The following TNFSF14 variants were observed in gnomAD, a reference collection of about 807,000 sequenced individuals.
TNFSF14 encodes the protein TNF superfamily member 14, also known as tumor necrosis factor ligand superfamily member 14.
In TNFSF14, 15 loss-of-function variants were observed where a neutral mutation model predicts 22.7. The observed-to-expected ratio is 0.66, with a 90% CI of 0.44 to 1.02. The LOEUF (loss-of-function observed/expected upper bound fraction) is 1.02, where lower values mean the gene tolerates loss of function less well. TNFSF14 is among the 50% of genes least tolerant of loss of function. The pLI, the probability that TNFSF14 is intolerant of heterozygous loss-of-function variation, is 0.00. For missense variants in TNFSF14, 287 were observed against 326.2 expected, an observed-to-expected ratio of 0.88 and a Z score of 0.93; for synonymous variants, 133 against 139.6, an observed-to-expected ratio of 0.95 and a Z score of 0.33.
Position 6,664,622 on chromosome 19 carries a change from TC to T in TNFSF14, c.*303del. The T allele has an allele frequency of 3.0e-5, 7 of 230,894 alleles. No homozygotes were observed. Among genetic ancestry groups the T allele is most frequent in the East Asian group, 9.3e-5 (1 of 10,724 alleles). 14.3% of individuals were successfully genotyped at this position (230,894 alleles called of 1,614,324 possible). ...GGTGTGATCTCGGCTCACTGCAACC[TC>T]CGCCTCCCGGGTTTAAGCAAAATTA... On this transcript the variant is annotated 3_prime_UTR_variant, in exon 4 of 4. Coordinates refer to ENST00000675206, the MANE Select transcript of TNFSF14 (RefSeq NM_001376887.1). The surrounding 1 kb of genome is among the most constrained non-coding windows in gnomAD (Gnocchi z 4.7).
Position 6,665,109 on chromosome 19 carries a change from C to T in TNFSF14, c.540G>A (p.Leu180=). The stretch of plus-strand genomic sequence containing the variant: ...GTCCGCAGGGTGACTGCTGGCTGAC[C>T]AACAGCTCCAGCTCCTCGGGGTAGC... ...TPRYPEELEL[L]VSQQSPCGRA... is the part of the protein sequence containing the mutation. The change falls in exon 4 of 4, where the codon TTG becomes TTA. Residue 180 remains leucine (L), a synonymous_variant. Coordinates refer to ENST00000675206, the MANE Select transcript of TNFSF14 (RefSeq NM_001376887.1). 1 of 1,614,034 alleles carries T rather than the reference C, an allele frequency of 6.2e-7. No homozygotes were observed. Among genetic ancestry groups the T allele is most frequent in the Non-Finnish European group, 8.5e-7 (1 of 1,179,926 alleles).
rs376787507 is a variant in TNFSF14, at chr19:6,665,156, C to T, written c.493G>A (p.Gly165Ser). ...PLGLASTITHGLYKRTPRYPE... is the reference protein window; with the variant it reads ...PLGLASTITHSLYKRTPRYPE... ...TAGCGGGGTGTGCGCTTGTAGAGGC[C>T]GTGGGTGATGGTGCTGGCCAGGCCC... Residue 165 changes from glycine to serine, a missense_variant, in exon 4 of 4, where the codon GGC becomes AGC. Transcript: ENST00000675206. 1.1e-4 allele frequency: 173 copies of T among 1,613,906 alleles called. No homozygotes were observed. Among genetic ancestry groups the T allele is most frequent in the South Asian group, 5.5e-4 (50 of 91,074 alleles).
rs1162772278 is a variant in TNFSF14 at position 6,664,633 on chromosome 19, GGTTTA to G, written c.*288_*292del. ...GGCTCACTGCAACCTCCGCCTCCCG[GGTTTA>G]AGCAAAATTATCCTGCCTCAGCCTC... is the stretch of plus-strand genomic sequence containing the variant. On this transcript the variant is annotated 3_prime_UTR_variant, in exon 4 of 4. Coordinates refer to ENST00000675206, the MANE Select transcript of TNFSF14 (RefSeq NM_001376887.1). This position sits in a 1 kb window ranked among gnomAD's most constrained non-coding sequence, Gnocchi z 4.7. 2 of 258,644 alleles carry G rather than the reference GGTTTA, an allele frequency of 7.7e-6. No homozygotes were observed. The highest frequency in any genetic ancestry group is 1.5e-5 in the Non-Finnish European group (2 of 133,406). 16.0% of individuals were successfully genotyped at this position (258,644 alleles called of 1,614,324 possible). A position where few individuals can be genotyped will look rare whatever the true frequency, so the allele number is the denominator to read the frequency against.
chr19:6,669,584 G>A lies in TNFSF14; in HGVS notation c.219+267C>T, dbSNP rs1010642822. Among the ~76,000 whole-genome samples the A allele has an allele frequency of 3.9e-5, 6 of 152,172 alleles. No individual in the cohort carries two copies. The East Asian group carries it at 1.2e-3, about 29-fold the overall frequency. ...CGACGGGTGGAGCTGGCATCGTCTGGTACTACACATGCCATAGCATACTTC... is the reference window on the plus strand; with the variant it reads ...CGACGGGTGGAGCTGGCATCGTCTGATACTACACATGCCATAGCATACTTC... On this transcript the variant is annotated intron_variant, in intron 1 of 3. Transcript: ENST00000675206.
intron 3 of TNFSF14, among the ~76,000 whole-genome samples, chr19:6,666,452 AG>A (rs1487497396): frequency 6.6e-6 from 1 of 152,008 alleles, no homozygotes; most frequent in Admixed American, 6.6e-5. Context: ...AAGAAACCAA[AG>A]CGGCACCTCG....
chr19:6,668,037 A>T (rs868118183), intron 1 of TNFSF14, among the ~76,000 whole-genome samples: 8 of 152,104 alleles, frequency 5.3e-5, no homozygotes, highest in Middle Eastern at 3.4e-3. Flanking sequence ...TCTATCTCAA[A>T]AAATAAATAA....
Position 6,669,942 on chromosome 19 carries a change from A to T in TNFSF14, c.128T>A (p.Leu43Ter). 6.2e-7 allele frequency: 1 copy of T among 1,613,932 alleles called. No individual in the cohort carries two copies. Among genetic ancestry groups the T allele is most frequent in the Non-Finnish European group, 8.5e-7 (1 of 1,179,982 alleles). ...CSVARVGLGL[L>*]LLLMGAGLAV... Reference sequence around the variant, plus strand: ...CAGCCCGGCCCCCATCAGCAACAGCAAGAGACCCAGACCCACCCGGGCCAC... The same window carrying T: ...CAGCCCGGCCCCCATCAGCAACAGCTAGAGACCCAGACCCACCCGGGCCAC... Residue 43 changes from leucine (L) to a stop codon, truncating the protein, a stop_gained, in exon 1 of 4, where the codon TTG becomes TAG. Coordinates refer to ENST00000675206, the MANE Select transcript of TNFSF14 (RefSeq NM_001376887.1). LOFTEE classifies it high-confidence loss of function.
At position 6,667,393 on chromosome 19, in the gene TNFSF14, G is replaced by A. The variant is rs1348907960; in HGVS notation, c.256+20C>T. 1 of 1,531,962 alleles carries A rather than the reference G, an allele frequency of 6.5e-7. No homozygotes were observed. Among genetic ancestry groups the A allele is most frequent in the Non-Finnish European group, 8.7e-7 (1 of 1,145,438 alleles). The allele number at this position is 1,531,962 out of a possible 1,614,324, so 94.9% of individuals were successfully genotyped here. A position where few individuals can be genotyped will look rare whatever the true frequency, so the allele number is the denominator to read the frequency against. ...GGGAATCATCACACCTCCTTCCCTG[G>A]GGCCAGGACCCTGACTCACCTTGTA... On this transcript the variant is annotated intron_variant, in intron 2 of 3. Coordinates refer to ENST00000675206, the MANE Select transcript of TNFSF14 (RefSeq NM_001376887.1).
chr19:6,664,901 T>C lies in TNFSF14; in HGVS notation c.*25A>G, dbSNP rs2145371244. On this transcript the variant is annotated 3_prime_UTR_variant, in exon 4 of 4. Transcript: ENST00000675206. This position sits in a 1 kb window ranked among gnomAD's most constrained non-coding sequence, Gnocchi z 4.7. ...CTGAGTTCTCCACGTGTCAGACCCA[T>C]GTCCAATGCACCACGCTCCTTCCTT... is the stretch of plus-strand genomic sequence containing the variant. The C allele has an allele frequency of 1.3e-6, 2 of 1,559,576 alleles. No individual in the cohort carries two copies. Among genetic ancestry groups the C allele is most frequent in the Non-Finnish European group, 1.7e-6 (2 of 1,147,886 alleles).
At chr19:6,668,526 T>G (rs344559) in intron 1 of TNFSF14, among the ~76,000 whole-genome samples, 1 of 151,744 alleles carries the variant, frequency 6.6e-6, no homozygotes, top group South Asian at 2.1e-4. Flanking sequence ...GCCAACATGG[T>G]GAAACCCCGT....
At position 6,665,179 on chromosome 19, in the gene TNFSF14, C is replaced by G; in HGVS notation, c.470G>C (p.Gly157Ala). Residue 157 changes from glycine (G) to alanine (A), a missense_variant, in exon 4 of 4, where the codon GGC (glycine) becomes GCC (alanine). Physicochemically the swap from Gly to Ala is moderately conservative, Grantham distance 60. Coordinates refer to ENST00000675206, the MANE Select transcript of TNFSF14 (RefSeq NM_001376887.1). ...GCCGTGGGTGATGGTGCTGGCCAGG[C>G]CCAGCGGGCAGCCCACACCGCCCAG... ...VQLGGVGCPL[G>A]LASTITHGLY... 6.2e-7 allele frequency: 1 copy of G among 1,614,122 alleles called. No homozygotes were observed. The highest frequency in any genetic ancestry group is 1.1e-5 in the South Asian group (1 of 91,070).
intron 3 of TNFSF14, 41 bp from the exon 4 acceptor site, chr19:6,665,391 CAT>C: frequency 6.7e-7 from 1 of 1,483,440 alleles, no homozygotes; most frequent in Non-Finnish European, 9.0e-7. Flanking sequence ...CCGGTCAGCA[CAT>C]GTCTTCCTCT....
At chr19:6,670,513 A>C, upstream of TNFSF14, 2 of 171,978 alleles carry the variant, frequency 1.2e-5, no homozygotes, top group South Asian at 3.2e-4. Context: ...GAGACAAGAA[A>C]CCTCGTAAAC....
intron 3 of TNFSF14, 138 bp downstream of exon 3, chr19:6,666,975 C>T (rs1917447498): frequency 1.7e-6 from 1 of 585,468 alleles, no homozygotes; most frequent in Non-Finnish European, 2.7e-6. Flanking sequence ...ATACATAGCA[C>T]TTGCAGCCTA....
At position 6,665,256 on chromosome 19, in the gene TNFSF14, C is replaced by G. The variant is rs1450920381; in HGVS notation, c.393G>C (p.Gly131=). 1.2e-6 allele frequency: 2 copies of G among 1,613,744 alleles called. No homozygotes were observed. The highest frequency in any genetic ancestry group is 2.2e-5 in the South Asian group (2 of 91,082). The change falls in exon 4 of 4, where the codon GGG becomes GGC. Residue 131 remains glycine (G), a synonymous_variant. Coordinates refer to ENST00000675206, the MANE Select transcript of TNFSF14 (RefSeq NM_001376887.1). ...AFLRGLSYHD[G]ALVVTKAGYY... is the part of the protein sequence containing the mutation. ...AGCCAGCTTTGGTGACCACAAGGGCCCCATCGTGGTAGCTGAGGCCCCTCA... is the reference window on the plus strand; with the variant it reads ...AGCCAGCTTTGGTGACCACAAGGGCGCCATCGTGGTAGCTGAGGCCCCTCA...
chr19:6,667,898 G>A (rs1403984514), intron 1 of TNFSF14, among the ~76,000 whole-genome samples: 1 of 151,926 alleles, frequency 6.6e-6, no homozygotes, highest in African/African-American at 2.4e-5. Context: ...AAAATTAGCT[G>A]GGCCTGGTGG....
Position 6,670,055 on chromosome 19 carries a change from G to C in TNFSF14, c.15C>G (p.Val5=), listed in dbSNP as rs773732385. The change falls in exon 1 of 4, where the codon GTC becomes GTG. Residue 5 remains valine (V), a synonymous_variant. Coordinates refer to ENST00000675206, the MANE Select transcript of TNFSF14 (RefSeq NM_001376887.1). ...CCACCACAAACACTGAGGGCCGTAC[G>C]ACACTCTCCTCCATGCCCAAGGTGT... is the stretch of plus-strand genomic sequence containing the variant. MEES[V]VRPSVFVVDG... 6.2e-7 allele frequency: 1 copy of C among 1,614,058 alleles called. No individual in the cohort carries two copies. The highest frequency in any genetic ancestry group is 1.1e-5 in the South Asian group (1 of 91,084).
At position 6,667,397 on chromosome 19, in the gene TNFSF14, C is replaced by G; in HGVS notation, c.256+16G>C. 6.5e-7 allele frequency: 1 copy of G among 1,539,816 alleles called. No individual in the cohort carries two copies. Among genetic ancestry groups the G allele is most frequent in the Middle Eastern group, 1.7e-4 (1 of 5,844 alleles). ...ATCATCACACCTCCTTCCCTGGGGCCAGGACCCTGACTCACCTTGTATCAG... is the reference window on the plus strand; with the variant it reads ...ATCATCACACCTCCTTCCCTGGGGCGAGGACCCTGACTCACCTTGTATCAG... On this transcript the variant is annotated intron_variant, in intron 2 of 3. Coordinates refer to ENST00000675206, the MANE Select transcript of TNFSF14 (RefSeq NM_001376887.1).
intron 1 of TNFSF14, 82 bp downstream of exon 1, chr19:6,669,769 C>CAG (rs1917542745): frequency 1.9e-6 from 3 of 1,541,168 alleles, no homozygotes; most frequent in Non-Finnish European, 2.6e-6. Context: ...CACACACACA[C>CAG]ACACAGACAC....
Sources: allele counts gnomAD v4.1 joint callset (sites outside exome capture counted in the v4.1 genomes callset), GRCh38; gene constraint gnomAD v4.1.1; non-coding constraint Gnocchi (gnomAD v3.1); transcripts MANE v1.5; gene names NCBI Gene and HGNC (gene_info 2026-07-23, HGNC 2026-07-21).